Variants in ZBTB20 observed in about 807,000 individuals in gnomAD.
ZBTB20 encodes zinc finger and BTB domain-containing protein 20.
A neutral mutation model predicts 56.9 loss-of-function variants in ZBTB20; 9 were observed. That is an observed-to-expected ratio of 0.16 (90% CI 0.10 to 0.28). ZBTB20 has a LOEUF of 0.28. Ranked by LOEUF, ZBTB20 falls within the 10% of genes least tolerant of loss-of-function variation. ZBTB20 has a pLI of 1.00. For missense variants in ZBTB20, 655 were observed against 1,003.0 expected (o/e 0.65, Z 4.69); for synonymous variants, 417 against 420.7 (o/e 0.99, Z 0.11).
chr3:114,504,456 A>G (rs1013280346), intron 6 of ZBTB20, among the ~76,000 whole-genome samples: 1 of 152,202 alleles, frequency 6.6e-6, no homozygotes, highest in Non-Finnish European at 1.5e-5. Context: ...GAGGGTCAGT[A>G]TTCCTTGTGG....
rs532611740 is a variant in ZBTB20 at position 115,029,888 on chromosome 3, G to A, written c.-507+41331C>T. 1.3e-5 allele frequency among the ~76,000 whole-genome samples: 2 copies of A among 150,984 alleles called. 1 individual carries two copies. Among genetic ancestry groups the A allele is most frequent in the South Asian group, 4.1e-4 (2 of 4,820 alleles). ...CAGAAGCCATAAAAAATGTAATATG[G>A]TTTTTAAAAATAGAATATTTGAACA... On this transcript the variant is annotated intron_variant, in intron 2 of 11. Coordinates refer to ENST00000675478, the MANE Select transcript of ZBTB20 (RefSeq NM_001348800.3).
chr3:114,673,795 T>C (rs1249810911), intron 6 of ZBTB20, among the ~76,000 whole-genome samples: 3 of 152,202 alleles, frequency 2.0e-5, no homozygotes. Context: ...CACTTGACTA[T>C]GCTTTTGCTT....
At chr3:114,832,634 G>A (rs1405530258) in intron 4 of ZBTB20, among the ~76,000 whole-genome samples, 3 of 151,944 alleles carry the variant, frequency 2.0e-5, no homozygotes, top group Non-Finnish European at 2.9e-5. Flanking sequence ...GCTATGAAAC[G>A]TTATATTTTC....
At chr3:114,650,184 A>C (rs939649760) in intron 6 of ZBTB20, among the ~76,000 whole-genome samples, 1 of 151,268 alleles carries the variant, frequency 6.6e-6, no homozygotes, top group East Asian at 1.9e-4. Flanking sequence ...ATTCTGAAAA[A>C]ATTATTCACA....
At chr3:114,545,898 G>A (rs2049822394) in intron 6 of ZBTB20, among the ~76,000 whole-genome samples, 1 of 152,088 alleles carries the variant, frequency 6.6e-6, no homozygotes, top group African/African-American at 2.4e-5. Flanking sequence ...TTTCCCTGAA[G>A]CAATCCATGT....
intron 1 of ZBTB20, among the ~76,000 whole-genome samples, chr3:115,098,787 A>G (rs1276607176): frequency 6.6e-6 from 1 of 152,150 alleles, no homozygotes. Context: ...GTGGGTTAAG[A>G]ATATTGCTTT....
intron 6 of ZBTB20, among the ~76,000 whole-genome samples, chr3:114,639,514 G>A (rs2059442881): frequency 6.7e-6 from 1 of 150,072 alleles, no homozygotes. Context: ...ACCACTTCCA[G>A]CCCGTAACTT....
At chr3:115,133,554 C>T (rs2084570486) in intron 1 of ZBTB20, among the ~76,000 whole-genome samples, 1 of 152,202 alleles carries the variant, frequency 6.6e-6, no homozygotes, top group African/African-American at 2.4e-5. Context: ...CTCCCAGCCC[C>T]TGGCAACCAC....
At chr3:114,983,401 GATATATA>G (rs2078408492) in intron 2 of ZBTB20, among the ~76,000 whole-genome samples, 1 of 151,922 alleles carries the variant, frequency 6.6e-6, no homozygotes, top group Non-Finnish European at 1.5e-5. Flanking sequence ...ATTAAAGCAT[GATATATA>G]ATTACACCGA....
chr3:115,037,321 G>C (rs113076275), intron 2 of ZBTB20, among the ~76,000 whole-genome samples: 8 of 152,192 alleles, frequency 5.3e-5, no homozygotes, highest in African/African-American at 1.9e-4. Flanking sequence ...GTCTCACTCC[G>C]TCACCCAAGC....
intron 6 of ZBTB20, among the ~76,000 whole-genome samples, chr3:114,515,490 A>G (rs2045878666): frequency 1.3e-5 from 2 of 152,218 alleles, no homozygotes; most frequent in Non-Finnish European, 2.9e-5. Context: ...GGTTTCCAGC[A>G]TAAGTTCGAA....
intron 7 of ZBTB20, among the ~76,000 whole-genome samples, chr3:114,458,515 T>G (rs1375574942): frequency 1.3e-5 from 2 of 152,186 alleles, no homozygotes; most frequent in Non-Finnish European, 2.9e-5. Context: ...AATCACATTT[T>G]TTTCTCATGG....
At position 114,318,955 on chromosome 3, in the gene ZBTB20, A is replaced by G. The variant is rs1395446887; in HGVS notation, c.*20050T>C. 6.6e-6 allele frequency: 1 copy of G among 152,198 alleles called. No homozygotes were observed. Among genetic ancestry groups the G allele is most frequent in the Non-Finnish European group, 1.5e-5 (1 of 68,032 alleles). 9.4% of individuals were successfully genotyped at this position (152,198 alleles called of 1,614,324 possible). On this transcript the variant is annotated 3_prime_UTR_variant, in exon 12 of 12. Coordinates refer to ENST00000675478, the MANE Select transcript of ZBTB20 (RefSeq NM_001348800.3). ...TCATAAATAGCTTTTTTTCTCTAAA[A>G]AAAGAATAAAACAAGAACAATCCCT...
intron 6 of ZBTB20, among the ~76,000 whole-genome samples, chr3:114,559,690 C>T (rs749187123): frequency 1.3e-5 from 2 of 152,170 alleles, no homozygotes; most frequent in Non-Finnish European, 2.9e-5. Flanking sequence ...CTGGCTTCAA[C>T]ATTTTCTGTA....
intron 5 of ZBTB20, among the ~76,000 whole-genome samples, chr3:114,699,657 A>G (rs1578408076): frequency 6.6e-6 from 1 of 152,154 alleles, no homozygotes; most frequent in Non-Finnish European, 1.5e-5. Context: ...GCATGTAGAT[A>G]TTAGTCAAAA....
rs569681201 is a variant in ZBTB20 at position 114,933,103 on chromosome 3, T to C, written c.-455-32761A>G. Among the ~76,000 whole-genome samples the C allele has an allele frequency of 5.3e-5, 8 of 152,274 alleles. No homozygotes were observed. In the East Asian group the frequency reaches 7.7e-4, roughly 15 times the overall value. On this transcript the variant is annotated intron_variant, in intron 3 of 11. Coordinates refer to ENST00000675478, the MANE Select transcript of ZBTB20 (RefSeq NM_001348800.3). ...CTAAAACCCATAAGTAAAGCCATCA[T>C]AGTCATTCCTGACCCAGACAGGCTT...
chr3:115,118,194 T>C (rs1003926216), intron 1 of ZBTB20, among the ~76,000 whole-genome samples: 1 of 152,048 alleles, frequency 6.6e-6, no homozygotes, highest in Non-Finnish European at 1.5e-5. Context: ...TAGATCTCTT[T>C]TTTAATTTTT....
chr3:114,893,417 T>C (rs923988583), intron 4 of ZBTB20, among the ~76,000 whole-genome samples: 1 of 152,142 alleles, frequency 6.6e-6, no homozygotes, highest in Non-Finnish European at 1.5e-5. Context: ...CTTAAGAGAA[T>C]TATTAGTGAA....
chr3:114,408,421 G>A (rs1458293627), intron 7 of ZBTB20, among the ~76,000 whole-genome samples: 2 of 152,186 alleles, frequency 1.3e-5, no homozygotes, highest in African/African-American at 4.8e-5. Flanking sequence ...CATTGCTAAT[G>A]TTTAGGAATC....
Sources: gnomAD v4.1 joint callset for allele counts (sites outside exome capture counted in the v4.1 genomes callset) on GRCh38, gnomAD v4.1.1 for gene constraint, MANE v1.5 for transcripts, NCBI Gene and HGNC (gene_info 2026-07-23, HGNC 2026-07-21) for gene names.